The following MON2 variants were observed in gnomAD, a reference collection of about 807,000 sequenced individuals.
MON2 encodes protein MON2 homolog.
MON2 carries 84 observed loss-of-function variants against 208.6 expected under a neutral mutation model. The observed-to-expected ratio is 0.40, with a 90% confidence interval of 0.34 to 0.48. The LOEUF (loss-of-function observed/expected upper bound fraction) is 0.48, where lower values mean the gene tolerates loss of function less well. Ranked by LOEUF, MON2 falls within the 20% of genes least tolerant of loss-of-function variation. The pLI, the probability that MON2 is intolerant of heterozygous loss-of-function variation, is 0.59. For synonymous variants in MON2, 660 were observed against 694.0 expected (o/e 0.95, Z 0.77); for missense variants, 1,611 against 2,015.4 (o/e 0.80, Z 3.84).
chr12:62,504,245 C>CTTTTTTTTTT (rs71450586), intron 7 of MON2, among the ~76,000 whole-genome samples: 5 of 118,594 alleles, frequency 4.2e-5, no homozygotes, highest in South Asian at 2.7e-4. Flanking sequence ...CTTTTCTTTT[C>CTTTTTTTTTT]TTTTTTTTTT....
At chr12:62,575,961 AAC>A (rs1366916201) in intron 30 of MON2, among the ~76,000 whole-genome samples, 1 of 152,212 alleles carries the variant, frequency 6.6e-6, no homozygotes, top group Non-Finnish European at 1.5e-5. Context: ...AAGAATTGAA[AAC>A]ACATGTTTAC....
chr12:62,521,216 C>T (rs1328831440), intron 8 of MON2, among the ~76,000 whole-genome samples: 2 of 152,050 alleles, frequency 1.3e-5, no homozygotes, highest in Non-Finnish European at 2.9e-5. Flanking sequence ...ACTGTGTTGG[C>T]AAGGCTAGTT....
Position 62,596,888 on chromosome 12 carries a change from C to T in MON2, c.*4139C>T, listed in dbSNP as rs926871276. The T allele has an allele frequency of 2.6e-5, 4 of 152,146 alleles. No homozygotes were observed. The highest frequency in any genetic ancestry group is 6.5e-5 in the Admixed American group (1 of 15,272). The allele number at this position is 152,146 out of a possible 1,614,324, so 9.4% of individuals were successfully genotyped here. On this transcript the variant is annotated 3_prime_UTR_variant, in exon 35 of 35. Coordinates refer to ENST00000393630, the MANE Select transcript of MON2 (RefSeq NM_015026.3). ...CTTACAAATCCAATACTTTCTAATGCTCTAACAGTGTTGGCTATTTAAAAG... is the reference window on the plus strand; with the variant it reads ...CTTACAAATCCAATACTTTCTAATGTTCTAACAGTGTTGGCTATTTAAAAG...
intron 26 of MON2, among the ~76,000 whole-genome samples, chr12:62,563,703 A>G (rs1177299658): frequency 2.0e-5 from 3 of 152,166 alleles, no homozygotes; most frequent in South Asian, 2.1e-4. Context: ...TATCAACTAT[A>G]ACACTATTAG....
At chr12:62,488,340 CA>C (rs2069914163) in intron 2 of MON2, among the ~76,000 whole-genome samples, 1 of 152,038 alleles carries the variant, frequency 6.6e-6, no homozygotes, top group South Asian at 2.1e-4. Flanking sequence ...AAGACTTAGC[CA>C]GGCAAATAAA....
intron 26 of MON2, among the ~76,000 whole-genome samples, chr12:62,562,405 G>T (rs1221484030): frequency 6.6e-6 from 1 of 151,582 alleles, no homozygotes; most frequent in Non-Finnish European, 1.5e-5. Flanking sequence ...CTAGTAATTT[G>T]TTCAGAGCTT....
chr12:62,546,629 C>T (rs894378654), intron 21 of MON2, among the ~76,000 whole-genome samples: 2 of 152,072 alleles, frequency 1.3e-5, no homozygotes, highest in Non-Finnish European at 2.9e-5. Flanking sequence ...TGGTGCATGC[C>T]TGTAATCCCA....
rs373777338 is a variant in MON2 at position 62,537,246 on chromosome 12, C to T, written c.1996C>T (p.Pro666Ser). ...AGTGGGTCAACCTTTAGCAGTCCAG[C>T]CTCAAGGGACAGTAATGGTAATGTA... The part of the protein sequence containing the change: ...VAVGQPLAVQ[P>S]QGTVMLTSKN... Residue 666 changes from proline to serine, a missense_variant, in exon 15 of 35, where the codon CCT becomes TCT. Coordinates refer to ENST00000393630, the MANE Select transcript of MON2 (RefSeq NM_015026.3). 5 of 1,606,456 alleles carry T rather than the reference C, an allele frequency of 3.1e-6. No homozygotes were observed. The highest frequency in any genetic ancestry group is 1.7e-5 in the Admixed American group (1 of 59,840).
intron 1 of MON2, among the ~76,000 whole-genome samples, chr12:62,480,799 A>G (rs2069379843): frequency 6.6e-6 from 1 of 152,250 alleles, no homozygotes; most frequent in Non-Finnish European, 1.5e-5. Flanking sequence ...AATTACATCC[A>G]TATTTATGAT....
chr12:62,468,088 C>T (rs1162565553), intron 1 of MON2, among the ~76,000 whole-genome samples: 3 of 151,154 alleles, frequency 2.0e-5, no homozygotes, highest in Non-Finnish European at 4.4e-5. Context: ...CCAAATAGTT[C>T]TTGAGGTGAA....
intron 2 of MON2, among the ~76,000 whole-genome samples, chr12:62,485,818 C>T (rs1196505920): frequency 6.6e-6 from 1 of 152,140 alleles, no homozygotes; most frequent in Non-Finnish European, 1.5e-5. Context: ...ATTCTCCTGC[C>T]TCAGCCACCC....
At chr12:62,530,391 C>T (rs1356320017) in intron 11 of MON2, among the ~76,000 whole-genome samples, 4 of 151,822 alleles carry the variant, frequency 2.6e-5, no homozygotes, top group East Asian at 1.9e-4. Context: ...CCACCATGCC[C>T]GGCTAATTTT....
At chr12:62,495,471 A>T (rs1220260268) in intron 4 of MON2, among the ~76,000 whole-genome samples, 1 of 152,072 alleles carries the variant, frequency 6.6e-6, no homozygotes, top group East Asian at 1.9e-4. Flanking sequence ...TTGTAAGATC[A>T]CAAGGTTAGG....
At position 62,597,437 on chromosome 12, in the gene MON2, T is replaced by G. The variant is rs1471049807; in HGVS notation, c.*4688T>G. 1 of 152,100 alleles carries G rather than the reference T, an allele frequency of 6.6e-6. No homozygotes were observed. The highest frequency in any genetic ancestry group is 2.4e-5 in the African/African-American group (1 of 41,418). The allele number at this position is 152,100 out of a possible 1,614,324, so 9.4% of individuals were successfully genotyped here. On this transcript the variant is annotated 3_prime_UTR_variant, in exon 35 of 35. Transcript: ENST00000393630. ...GGTTCTACCACTACAAAGTGGAAAG[T>G]AGAAATACTTTGCACTTTGGCCACT...
chr12:62,512,254 G>C (rs1184201397), intron 8 of MON2, among the ~76,000 whole-genome samples: 1 of 152,142 alleles, frequency 6.6e-6, no homozygotes, highest in South Asian at 2.1e-4. Context: ...CATTAACTCA[G>C]AAGTCCACAG....
chr12:62,482,962 A>G (rs1368902849), intron 1 of MON2: 1 of 152,202 alleles, frequency 6.6e-6, no homozygotes. Flanking sequence ...TGAGCCCAGT[A>G]GTTTGAGGCT....
intron 11 of MON2, among the ~76,000 whole-genome samples, chr12:62,530,394 C>A (rs1394033709): frequency 6.6e-6 from 1 of 151,938 alleles, no homozygotes; most frequent in Non-Finnish European, 1.5e-5. Flanking sequence ...CCATGCCCGG[C>A]TAATTTTTTG....
chr12:62,585,022 C>T (rs548648963), intron 32 of MON2, among the ~76,000 whole-genome samples: 1 of 140,936 alleles, frequency 7.1e-6, no homozygotes, highest in East Asian at 2.2e-4. Context: ...AGGATCTTGC[C>T]TTGTTTTTGA....
At position 62,545,020 on chromosome 12, in the gene MON2, C is replaced by T; in HGVS notation, c.2577+12C>T. 2.6e-6 allele frequency: 4 copies of T among 1,514,520 alleles called. No homozygotes were observed. Among genetic ancestry groups the T allele is most frequent in the Non-Finnish European group, 3.6e-6 (4 of 1,117,868 alleles). 93.8% of individuals were successfully genotyped at this position (1,514,520 alleles called of 1,614,324 possible). A position where few individuals can be genotyped will look rare whatever the true frequency, so the allele number is the denominator to read the frequency against. ...TCTCACAAAACCAGGTAATAAAAAC[C>T]TTACTTTTTAAAAAGAATACTCAAT... On this transcript the variant is annotated intron_variant, in intron 21 of 34. Transcript: ENST00000393630.
Sources: gnomAD v4.1 joint callset for allele counts (sites outside exome capture counted in the v4.1 genomes callset) on GRCh38, gnomAD v4.1.1 for gene constraint, MANE v1.5 for transcripts, NCBI Gene and HGNC (gene_info 2026-07-23, HGNC 2026-07-21) for gene names.